MDC1: variants seen among roughly 807,000 people sequenced by gnomAD.
MDC1 encodes mediator of DNA damage checkpoint 1, also known as mediator of DNA damage checkpoint protein 1.
In MDC1, 81 loss-of-function variants were observed where a neutral mutation model predicts 142.5. That is an observed-to-expected ratio of 0.57 (90% CI 0.47 to 0.68). The LOEUF is 0.68. Among genes scored for constraint, MDC1 ranks in the 30% least tolerant of loss-of-function variants. MDC1 has a pLI of 0.00. For missense variants in MDC1, 2,119 were observed against 2,547.9 expected, an observed-to-expected ratio of 0.83 and a Z score of 3.62; for synonymous variants, 797 against 968.4, an observed-to-expected ratio of 0.82 and a Z score of 3.29.
chr6:30,700,641 G>A lies in MDC1; in HGVS notation c.6103-9C>T. 6.2e-7 allele frequency: 1 copy of A among 1,612,578 alleles called. No individual in the cohort carries two copies. Among genetic ancestry groups the A allele is most frequent in the South Asian group, 1.1e-5 (1 of 91,066 alleles). On this transcript the variant is annotated splice_polypyrimidine_tract_variant and intron_variant, in intron 14 of 14. Transcript: ENST00000376406. ...ATCACAACTCTCTGAGGCTGGGGAA[G>A]ACAGAGCAAAGGCAAAATCAGGTGA...
Position 30,716,593 on chromosome 6 carries a change from AGT to A in MDC1, c.-4+650_-4+651del, listed in dbSNP as rs1396367809. ...TCCTGGTGTATCCTGCCTGTTCCACAGTGGTCAATGGATTTGTGCTTACTCTA... is the reference window on the plus strand; with the variant it reads ...TCCTGGTGTATCCTGCCTGTTCCACAGGTCAATGGATTTGTGCTTACTCTA... On this transcript the variant is annotated intron_variant, in intron 1 of 14. Transcript: ENST00000376406. The surrounding 1 kb of genome is among the most constrained non-coding windows in gnomAD (Gnocchi z 4.4). 2.6e-5 allele frequency among the ~76,000 whole-genome samples: 4 copies of A among 152,134 alleles called. No individual in the cohort carries two copies. Among genetic ancestry groups the A allele is most frequent in the African/African-American group, 9.7e-5 (4 of 41,428 alleles).
chr6:30,714,340 G>A (rs189557290), intron 2 of MDC1, among the ~76,000 whole-genome samples, 157 bp from the exon 3 acceptor site: 20 of 152,110 alleles, frequency 1.3e-4, no homozygotes, highest in African/African-American at 4.1e-4. Context: ...GAGTATATGC[G>A]ATACCCCATC....
Position 30,704,481 on chromosome 6 carries a change from G to A in MDC1, c.4702C>T (p.Pro1568Ser), listed in dbSNP as rs544424399. ...GRTNRSSVKTPESIVPIAPEL... is the reference protein window; with the variant it reads ...GRTNRSSVKTSESIVPIAPEL... ...GGGGCTATAGGGACAATTGATTCAGGGGTCTTGACAGAGGACCTATTTGTC... is the reference window on the plus strand; with the variant it reads ...GGGGCTATAGGGACAATTGATTCAGAGGTCTTGACAGAGGACCTATTTGTC... The change falls in exon 10 of 15, where the codon CCT (proline) becomes TCT (serine). Residue 1568 changes from proline to serine, a missense_variant. Transcript: ENST00000376406. 9 of 1,612,982 alleles carry A rather than the reference G, an allele frequency of 5.6e-6. No individual in the cohort carries two copies. The highest frequency in any genetic ancestry group is 1.7e-4 in the Middle Eastern group (1 of 6,056).
chr6:30,703,272 T>G lies in MDC1; in HGVS notation c.5697A>C (p.Gly1899=). 1 of 1,611,902 alleles carries G rather than the reference T, an allele frequency of 6.2e-7. No homozygotes were observed. The highest frequency in any genetic ancestry group is 8.5e-7 in the Non-Finnish European group (1 of 1,179,188). Residue 1899 remains glycine (G), a synonymous_variant, in exon 12 of 15, where the codon GGA becomes GGC. Coordinates refer to ENST00000376406, the MANE Select transcript of MDC1 (RefSeq NM_014641.3). The surrounding 1 kb of genome is among the most constrained non-coding windows in gnomAD (Gnocchi z 4.4). ...CCCGCTCTCCCCGAGCATCCACCACTCCTGTGAAGAGCACCTGTGGAAGGG... is the reference window on the plus strand; with the variant it reads ...CCCGCTCTCCCCGAGCATCCACCACGCCTGTGAAGAGCACCTGTGGAAGGG... ...ESTAPKVLFT[G]VVDARGERAV... is the part of the protein sequence containing the mutation.
chr6:30,710,569 G>A (rs1774701824), intron 7 of MDC1, among the ~76,000 whole-genome samples: 1 of 151,938 alleles, frequency 6.6e-6, no homozygotes, highest in African/African-American at 2.4e-5. Flanking sequence ...GGCTAATTTT[G>A]TATTTTTAGT....
At position 30,700,467 on chromosome 6, in the gene MDC1, A is replaced by T. The variant is rs1772428470; in HGVS notation, c.6268T>A (p.Ter2090ArgextTer13). 1 of 1,611,398 alleles carries T rather than the reference A, an allele frequency of 6.2e-7. No homozygotes were observed. Reference protein sequence around the residue: ...VLSPLEMSST* With the variant: ...VLSPLEMSSTR ...GAGGGAAAAGGGTAGTGGAGTTCTC[A>T]GGTGGATGACATCTCCAAAGGGGAG... The change falls in exon 15 of 15, where the codon TGA becomes AGA. Residue 2090 changes from the stop codon to arginine (R), a stop_lost. Coordinates refer to ENST00000376406, the MANE Select transcript of MDC1 (RefSeq NM_014641.3).
At chr6:30,711,064 T>C (rs1774796379) in intron 7 of MDC1, among the ~76,000 whole-genome samples, 1 of 152,096 alleles carries the variant, frequency 6.6e-6, no homozygotes, top group Non-Finnish European at 1.5e-5. Flanking sequence ...GAAAGAAACA[T>C]GTAGGAAGGC....
rs539016399 is a variant in MDC1 at position 30,704,374 on chromosome 6, C to G, written c.4809G>C (p.Arg1603Ser). 6.2e-7 allele frequency: 1 copy of G among 1,609,126 alleles called. No homozygotes were observed. The highest frequency in any genetic ancestry group is 1.4e-5 in the African/African-American group (1 of 73,378). The change falls in exon 10 of 15, where the codon AGG (arginine) becomes AGC (serine). Residue 1603 changes from arginine to serine, a missense_variant. By Grantham distance (110) the Arg-to-Ser change is moderately radical. Transcript: ENST00000376406. ...TSRATRCRTN[R>S]SSVKTPEPVV... is the part of the protein sequence containing the mutation. ...CTGGCTCAGGGGTCTTGACAGAGGA[C>G]CTATTTGTCCTGCACCTAGTGGCCC...
Position 30,711,945 on chromosome 6 carries a change from G to A in MDC1, c.1997C>T (p.Ala666Val), listed in dbSNP as rs1381054079. The change falls in exon 5 of 15, where the codon GCC (alanine) becomes GTC (valine). Residue 666 changes from alanine to valine, a missense_variant. Coordinates refer to ENST00000376406, the MANE Select transcript of MDC1 (RefSeq NM_014641.3). ...GESTQPQREG[A>V]QVPTGREREQ... is the part of the protein sequence containing the mutation. ...TCTCTCCCTTCCTGTGGGGACCTGG[G>A]CTCCCTCTCTCTGTGGCTGGGTGGA... is the stretch of plus-strand genomic sequence containing the variant. 6.4e-7 allele frequency: 1 copy of A among 1,559,746 alleles called. No individual in the cohort carries two copies. The highest frequency in any genetic ancestry group is 8.7e-7 in the Non-Finnish European group (1 of 1,155,764).
chr6:30,714,963 T>G (rs1775458711), intron 2 of MDC1, 77 bp downstream of exon 2: 2 of 1,538,878 alleles, frequency 1.3e-6, no homozygotes, highest in Non-Finnish European at 8.9e-7. Flanking sequence ...ATACATAAGC[T>G]TCTTGCAACC....
At chr6:30,706,612 ACT>A (rs369277067) in intron 9 of MDC1, among the ~76,000 whole-genome samples, 2,165 of 113,316 alleles carry the variant, frequency 0.019, 37 homozygotes, top group South Asian at 0.071. Context: ...ACAGAGCAAG[ACT>A]CTGTCTAAAA....
At position 30,704,954 on chromosome 6, in the gene MDC1, G is replaced by A; in HGVS notation, c.4229C>T (p.Thr1410Ile). Residue 1410 changes from threonine to isoleucine, a missense_variant, in exon 10 of 15, where the codon ACA (threonine) becomes ATA (isoleucine). Coordinates refer to ENST00000376406, the MANE Select transcript of MDC1 (RefSeq NM_014641.3). ...AGTGGAAGGCTCGAGCTTAGGGGCT[G>A]TGGGGACAAGTGTTTCAGGGGTCTT... ...SGKTPETLVP[T>I]APKLEPSTST... is the part of the protein sequence containing the mutation. 5 of 1,606,828 alleles carry A rather than the reference G, an allele frequency of 3.1e-6. No homozygotes were observed. The highest frequency in any genetic ancestry group is 4.2e-6 in the Non-Finnish European group (5 of 1,176,758).
In MDC1 at chr6:30,703,112, G is replaced by T; in HGVS notation, c.5857C>A (p.Leu1953Met). The T allele has an allele frequency of 1.2e-6, 2 of 1,612,570 alleles. No homozygotes were observed. The highest frequency in any genetic ancestry group is 1.7e-6 in the Non-Finnish European group (2 of 1,179,706). Reference sequence around the variant, plus strand: ...ATCCCTTGGCCTCTCACCTGATGCAGCCAGTCCAGGGACAGAATGGGGATT... The same window carrying T: ...ATCCCTTGGCCTCTCACCTGATGCATCCAGTCCAGGGACAGAATGGGGATT... Reference protein sequence around the residue: ...RGIPILSLDWLHQSRKAGFFL... With the variant: ...RGIPILSLDWMHQSRKAGFFL... Residue 1953 changes from leucine to methionine, a missense_variant, in exon 12 of 15, where the codon CTG becomes ATG. Leu to Met is a conservative substitution (Grantham distance 15, BLOSUM62 2). Coordinates refer to ENST00000376406, the MANE Select transcript of MDC1 (RefSeq NM_014641.3). This position sits in a 1 kb window ranked among gnomAD's most constrained non-coding sequence, Gnocchi z 4.4.
Position 30,705,086 on chromosome 6 carries a change from G to C in MDC1, c.4097C>G (p.Thr1366Ser), listed in dbSNP as rs1455911974. ...NMSSVKNPES[T>S]VPIAPELPPS... Reference sequence around the variant, plus strand: ...TGGGAGCTCAGGGGCTATAGGGACAGTTGATTCAGGGTTCTTCACAGAGGA... The same window carrying C: ...TGGGAGCTCAGGGGCTATAGGGACACTTGATTCAGGGTTCTTCACAGAGGA... Residue 1366 changes from threonine (T) to serine (S), a missense_variant, in exon 10 of 15, where the codon ACT (threonine) becomes AGT (serine). Thr to Ser is a moderately conservative substitution (Grantham distance 58, BLOSUM62 1). Transcript: ENST00000376406. 7 of 1,605,786 alleles carry C rather than the reference G, an allele frequency of 4.4e-6. No homozygotes were observed. The South Asian group carries it at 4.4e-5, about 10-fold the overall frequency.
Position 30,700,317 on chromosome 6 carries a change from C to G in MDC1, c.*148G>C. The G allele has an allele frequency of 1.2e-6, 1 of 808,234 alleles. No individual in the cohort carries two copies. The highest frequency in any genetic ancestry group is 1.8e-6 in the Non-Finnish European group (1 of 553,270). 50.1% of individuals were successfully genotyped at this position (808,234 alleles called of 1,614,324 possible). ...AACCTGTGGCTTCCAAATCCCTTAT[C>G]TTTTCATTTATTCATAAAGATTTCT... On this transcript the variant is annotated 3_prime_UTR_variant, in exon 15 of 15. Coordinates refer to ENST00000376406, the MANE Select transcript of MDC1 (RefSeq NM_014641.3).
chr6:30,706,321 C>T (rs1432732710), intron 9 of MDC1, among the ~76,000 whole-genome samples: 2 of 150,562 alleles, frequency 1.3e-5, no homozygotes, highest in Non-Finnish European at 3.0e-5. Context: ...CCCGTCTCTA[C>T]TAAAAATACA....
chr6:30,704,403 A>T lies in MDC1; in HGVS notation c.4780T>A (p.Ser1594Thr), dbSNP rs1457853762. The change falls in exon 10 of 15, where the codon TCT becomes ACT. Residue 1594 changes from serine (S) to threonine (T), a missense_variant. Transcript: ENST00000376406. ...RNQLVTPEPT[S>T]RATRCRTNRS... is the part of the protein sequence containing the mutation. ...TTTGTCCTGCACCTAGTGGCCCGAGATGTGGGCTCAGGGGTGACAAGCTGG... is the reference window on the plus strand; with the variant it reads ...TTTGTCCTGCACCTAGTGGCCCGAGTTGTGGGCTCAGGGGTGACAAGCTGG... The T allele has an allele frequency of 6.2e-7, 1 of 1,609,494 alleles. No individual in the cohort carries two copies. The highest frequency in any genetic ancestry group is 8.5e-7 in the Non-Finnish European group (1 of 1,178,920).
rs547765990 is a variant in MDC1 at position 30,712,934 on chromosome 6, C to G, written c.1008G>C (p.Glu336Asp). Reference sequence around the variant, plus strand: ...TGACAACTGGGGTTGCTGGGATCCTCTCTTCTTCCGCATCAGTGTCGCTGT... The same window carrying G: ...TGACAACTGGGGTTGCTGGGATCCTGTCTTCTTCCGCATCAGTGTCGCTGT... The part of the protein sequence containing the change: ...FIDSDTDAEE[E>D]RIPATPVVIP... The change falls in exon 5 of 15, where the codon GAG (glutamate) becomes GAC (aspartate). Residue 336 changes from glutamate (E) to aspartate (D), a missense_variant. By Grantham distance (45) the Glu-to-Asp change is conservative. Coordinates refer to ENST00000376406, the MANE Select transcript of MDC1 (RefSeq NM_014641.3). This position sits in a 1 kb window ranked among gnomAD's most constrained non-coding sequence, Gnocchi z 4.7. 1.2e-6 allele frequency: 2 copies of G among 1,613,094 alleles called. No homozygotes were observed. Among genetic ancestry groups the G allele is most frequent in the African/African-American group, 2.7e-5 (2 of 75,042 alleles).
At position 30,713,191 on chromosome 6, in the gene MDC1, C is replaced by T. The variant is rs2517560; in HGVS notation, c.751G>A (p.Glu251Lys). Residue 251 changes from glutamate (E) to lysine (K), a missense_variant, in exon 5 of 15, where the codon GAA (glutamate) becomes AAA (lysine). Coordinates refer to ENST00000376406, the MANE Select transcript of MDC1 (RefSeq NM_014641.3). This position sits in a 1 kb window ranked among gnomAD's most constrained non-coding sequence, Gnocchi z 4.9. ...ATVEAKQSEA[E>K]VVTEIQLEKD... ...TCAAGCTGGATTTCAGTTACAACTT[C>T]AGCTTCAGACTGCTTTGCCTCTACA... 11,512 of 1,613,086 alleles carry T rather than the reference C, an allele frequency of 7.1e-3. 61 individuals carry two copies. Among genetic ancestry groups the T allele is most frequent in the Admixed American group, 9.8e-3 (588 of 60,020 alleles).
Sources: allele counts gnomAD v4.1 joint callset (sites outside exome capture counted in the v4.1 genomes callset), GRCh38; gene constraint gnomAD v4.1.1; non-coding constraint Gnocchi (gnomAD v3.1); transcripts MANE v1.5; gene names NCBI Gene and HGNC (gene_info 2026-07-23, HGNC 2026-07-21).